DOCK7: variants seen among roughly 807,000 people sequenced by gnomAD.
DOCK7 encodes the protein dedicator of cytokinesis 7.
In DOCK7, 138 loss-of-function variants were observed where a neutral mutation model predicts 271.0. That is an observed-to-expected ratio of 0.51 (90% CI 0.44 to 0.59). The LOEUF (loss-of-function observed/expected upper bound fraction) is 0.59. Among genes scored for constraint, DOCK7 ranks in the 20% least tolerant of loss-of-function variants. DOCK7 has a pLI of 0.00. For missense variants in DOCK7, 2,066 were observed against 2,592.4 expected, an observed-to-expected ratio of 0.80 and a Z score of 4.41; for synonymous variants, 823 against 876.1, an observed-to-expected ratio of 0.94 and a Z score of 1.07.
intron 41 of DOCK7, among the ~76,000 whole-genome samples, chr1:62,491,267 G>T (rs1646457042): frequency 6.6e-6 from 1 of 152,188 alleles, no homozygotes. Flanking sequence ...ATTCCCAACA[G>T]CAGTAGAAAT....
chr1:62,528,207 C>T lies in DOCK7; in HGVS notation c.3880G>A (p.Ala1294Thr), dbSNP rs1645071992. ...MISQTVAMAI[A>T]GTSVPQLTRP... Reference sequence around the variant, plus strand: ...GTTAGTTGAGGGACCGATGTCCCTGCGATTGCCATGGCAACGGTCTGGCTT... The same window carrying T: ...GTTAGTTGAGGGACCGATGTCCCTGTGATTGCCATGGCAACGGTCTGGCTT... The change falls in exon 31 of 50, where the codon GCA (alanine) becomes ACA (threonine). Residue 1294 changes from alanine (A) to threonine (T), a missense_variant. By Grantham distance (58) the Ala-to-Thr change is moderately conservative (BLOSUM62 0). Transcript: ENST00000635253. The T allele has an allele frequency of 1.2e-6, 2 of 1,613,714 alleles. No homozygotes were observed.
chr1:62,488,849 C>A (rs1346267520), intron 42 of DOCK7, 85 bp downstream of exon 42: 1 of 1,539,170 alleles, frequency 6.5e-7, no homozygotes, highest in Non-Finnish European at 9.0e-7. Context: ...TTCACGGGAT[C>A]TAGTTTGACA....
intron 16 of DOCK7, among the ~76,000 whole-genome samples, chr1:62,580,802 G>A (rs1191377762): frequency 6.6e-6 from 1 of 152,126 alleles, no homozygotes; most frequent in Non-Finnish European, 1.5e-5. Context: ...ATAGTTCACT[G>A]CCTGGTTTTG....
intron 37 of DOCK7, 85 bp downstream of exon 37, chr1:62,504,545 G>A (rs1358795059): frequency 2.9e-6 from 4 of 1,383,930 alleles, no homozygotes; most frequent in African/African-American, 1.5e-5. Context: ...AAAACTCCAT[G>A]CTCTCCCAAA....
At chr1:62,533,961 A>G (rs1645257892) in intron 29 of DOCK7, among the ~76,000 whole-genome samples, 1 of 151,832 alleles carries the variant, frequency 6.6e-6, no homozygotes, top group African/African-American at 2.4e-5. Context: ...TACTATTAAG[A>G]TGGACATACC....
chr1:62,542,721 C>CA lies in DOCK7; in HGVS notation c.2950-19dup, dbSNP rs768307263. On this transcript the variant is annotated intron_variant, in intron 24 of 49. Transcript: ENST00000635253. ...TGAAAAAGCTATCCAGAAGTAAATC[C>CA]AAAGTTATTATCAAAGTCAAATCTG... 1 of 1,605,980 alleles carries CA rather than the reference C, an allele frequency of 6.2e-7. No homozygotes were observed. The highest frequency in any genetic ancestry group is 1.3e-5 in the African/African-American group (1 of 74,544).
chr1:62,547,622 GAGAA>G (rs1645754641), intron 22 of DOCK7, among the ~76,000 whole-genome samples: 1 of 152,098 alleles, frequency 6.6e-6, no homozygotes, highest in Non-Finnish European at 1.5e-5. Context: ...GATGATATAT[GAGAA>G]AGAAACGTAT....
chr1:62,638,981 T>G (rs1165383022), intron 7 of DOCK7, among the ~76,000 whole-genome samples: 1 of 152,126 alleles, frequency 6.6e-6, no homozygotes, highest in Non-Finnish European at 1.5e-5. Flanking sequence ...CAGCATTCAT[T>G]TGGCAAAATA....
At chr1:62,530,710 G>A (rs145147079) in intron 29 of DOCK7, 62 of 155,256 alleles carry the variant, frequency 4.0e-4, no homozygotes, top group African/African-American at 1.3e-3. Context: ...TGCTTTGCCC[G>A]TGAGGTGGCA....
chr1:62,618,818 G>A lies in DOCK7; in HGVS notation c.1570C>T (p.Leu524=). 6.2e-7 allele frequency: 1 copy of A among 1,613,802 alleles called. No individual in the cohort carries two copies. Among genetic ancestry groups the A allele is most frequent in the East Asian group, 2.2e-5 (1 of 44,838 alleles). ...SPAPENPHYC[L]TPELLQVKLY... ...TTCACTTGAAGCAGCTCCGGAGTTA[G>A]GCAATAATGGGGATTTTCAGGTGCG... The change falls in exon 14 of 50, where the codon CTA becomes TTA. Residue 524 remains leucine (L), a synonymous_variant. Transcript: ENST00000635253.
At chr1:62,682,949 AG>A (rs1186875839) in intron 1 of DOCK7, among the ~76,000 whole-genome samples, 2 of 152,228 alleles carry the variant, frequency 1.3e-5, no homozygotes, top group African/African-American at 4.8e-5. Flanking sequence ...GGTAAGCTTT[AG>A]GAACAAGAGA....
intron 47 of DOCK7, among the ~76,000 whole-genome samples, chr1:62,474,937 A>C (rs1170340976): frequency 6.6e-6 from 1 of 152,226 alleles, no homozygotes; most frequent in African/African-American, 2.4e-5. Flanking sequence ...GGGAGAATCT[A>C]ACATAGTAGA....
intron 48 of DOCK7, among the ~76,000 whole-genome samples, chr1:62,462,459 G>A (rs969511225): frequency 7.9e-5 from 12 of 152,206 alleles, no homozygotes; most frequent in African/African-American, 2.9e-4. Context: ...TACTGTAGGA[G>A]AATAAAGATC....
At chr1:62,461,802 T>C (rs1160904439) in intron 48 of DOCK7, among the ~76,000 whole-genome samples, 1 of 151,906 alleles carries the variant, frequency 6.6e-6, no homozygotes, top group East Asian at 1.9e-4. Flanking sequence ...CCGAGCACAG[T>C]GGCTCATGCC....
In DOCK7 at chr1:62,598,777, C is replaced by T; in HGVS notation, c.1683-12153G>A. Reference sequence around the variant, plus strand: ...CCAATATAAACAATTAAACCAACAGCATAGTCAAATAAAAGAAATAGAAAA... The same window carrying T: ...CCAATATAAACAATTAAACCAACAGTATAGTCAAATAAAAGAAATAGAAAA... On this transcript the variant is annotated intron_variant, in intron 14 of 49. Transcript: ENST00000635253. 6.2e-7 allele frequency: 1 copy of T among 1,606,270 alleles called. No individual in the cohort carries two copies. The highest frequency in any genetic ancestry group is 8.5e-7 in the Non-Finnish European group (1 of 1,173,478).
intron 3 of DOCK7, 64 bp from the exon 4 acceptor site, chr1:62,653,857 G>A: frequency 6.8e-7 from 1 of 1,466,964 alleles, no homozygotes; most frequent in Non-Finnish European, 9.5e-7. Context: ...CATTAATTTG[G>A]TTGCTACAAT....
chr1:62,508,106 C>T (rs1646995904), intron 34 of DOCK7, 48 bp from the exon 35 acceptor site: 3 of 1,511,658 alleles, frequency 2.0e-6, no homozygotes, highest in East Asian at 2.4e-5. Context: ...TTGAAAACTA[C>T]AATTCTGAAA....
rs893569676 is a variant in DOCK7, at chr1:62,485,205, A to C, written c.5508+2193T>G. 3.0e-6 allele frequency: 3 copies of C among 985,336 alleles called. No individual in the cohort carries two copies. The East Asian group carries it at 3.4e-4, about 112-fold the overall frequency. The allele number at this position is 985,336 out of a possible 1,614,324, so 61.0% of individuals were successfully genotyped here. A position where few individuals can be genotyped will look rare whatever the true frequency, so the allele number is the denominator to read the frequency against. On this transcript the variant is annotated intron_variant, in intron 43 of 49. Transcript: ENST00000635253. ...ACTATTTCGAGGGAAAAGTAAAAAT[A>C]AAAGTGAACACTAAACAGCCATTAA...
intron 34 of DOCK7, among the ~76,000 whole-genome samples, chr1:62,508,511 A>T: frequency 6.6e-6 from 1 of 152,096 alleles, no homozygotes; most frequent in Non-Finnish European, 1.5e-5. Context: ...TTTTCCCCCA[A>T]TTTTTTTTAT....
Sources: gnomAD v4.1 joint callset for allele counts (sites outside exome capture counted in the v4.1 genomes callset) on GRCh38, gnomAD v4.1.1 for gene constraint, MANE v1.5 for transcripts, NCBI Gene and HGNC (gene_info 2026-07-23, HGNC 2026-07-21) for gene names.